OARD1: variants seen among roughly 807,000 people sequenced by gnomAD.
OARD1 encodes the protein ADP-ribose glycohydrolase OARD1.
OARD1 carries 19 observed loss-of-function variants against 19.7 expected under a neutral mutation model. That is an observed-to-expected ratio of 0.96 (90% confidence interval 0.67 to 1.41). The LOEUF (loss-of-function observed/expected upper bound fraction) is 1.41, where lower values mean the gene tolerates loss of function less well. OARD1 is among the 40% of genes most tolerant of loss of function. The pLI is 0.00. For synonymous variants in OARD1, 70 were observed against 61.8 expected (o/e 1.13, Z -0.62); for missense variants, 190 against 183.8 (o/e 1.03, Z -0.20).
intron 5 of OARD1, among the ~76,000 whole-genome samples, chr6:41,067,978 C>G (rs538440199): frequency 9.6e-4 from 144 of 149,964 alleles, no homozygotes; most frequent in African/African-American, 3.5e-3. Flanking sequence ...CTACTTGGCA[C>G]CTTCCAAGAT....
intron 1 of OARD1, among the ~76,000 whole-genome samples, chr6:41,085,389 A>C (rs552687821): frequency 6.6e-6 from 1 of 152,358 alleles, no homozygotes; most frequent in South Asian, 2.1e-4. Flanking sequence ...ATCATCATTA[A>C]AAGAAATGAA....
At chr6:41,086,368 A>T (rs1356717994) in intron 1 of OARD1, among the ~76,000 whole-genome samples, 1 of 152,206 alleles carries the variant, frequency 6.6e-6, no homozygotes, top group Admixed American at 6.5e-5. Context: ...ATTTTGCTAT[A>T]AGGAACCTTC....
rs758357237 is a variant in OARD1 at position 41,094,511 on chromosome 6, T to C, written c.-42+3202A>G. On this transcript the variant is annotated intron_variant, in intron 1 of 4. Coordinates refer to the OARD1 transcript ENST00000480585. ...CCCCATATGCAGGTAGGAAGACATATACATTTTATTCTTCTCTTTATTACC... is the reference window on the plus strand; with the variant it reads ...CCCCATATGCAGGTAGGAAGACATACACATTTTATTCTTCTCTTTATTACC... 30 of 1,593,274 alleles carry C rather than the reference T, an allele frequency of 1.9e-5. No homozygotes were observed. In the South Asian group the frequency reaches 2.3e-4, roughly 12 times the overall value.
intron 1 of OARD1, among the ~76,000 whole-genome samples, chr6:41,094,128 T>C (rs967087159): frequency 2.6e-5 from 4 of 152,178 alleles, no homozygotes; most frequent in Non-Finnish European, 4.4e-5. Flanking sequence ...AAAGTGTATA[T>C]ATTGTGAAGT....
intron 5 of OARD1, among the ~76,000 whole-genome samples, chr6:41,068,166 T>C (rs1763122117): frequency 1.3e-5 from 2 of 152,286 alleles, no homozygotes; most frequent in Admixed American, 1.3e-4. Flanking sequence ...TTTGAGGCCA[T>C]ATGCAAAGTA....
chr6:41,071,682 G>A lies in OARD1; in HGVS notation c.-41-7C>T, dbSNP rs375286710. The A allele has an allele frequency of 2.6e-6, 4 of 1,529,232 alleles. No individual in the cohort carries two copies. The highest frequency in any genetic ancestry group is 1.7e-4 in the Middle Eastern group (1 of 5,928). The allele number at this position is 1,529,232 out of a possible 1,614,324, so 94.7% of individuals were successfully genotyped here. A position where few individuals can be genotyped will look rare whatever the true frequency, so the allele number is the denominator to read the frequency against. ...AATTTAAGTGTTTCTTCAGCTATGA[G>A]AAGGGAAAAGGAAGTAAAAATGCTT... On this transcript the variant is annotated splice_region_variant and splice_polypyrimidine_tract_variant and intron_variant, in intron 1 of 5. Transcript: ENST00000424266.
chr6:41,072,981 A>AGCGGCAGTGGCG (rs1252285275), upstream of OARD1: 2 of 154,972 alleles, frequency 1.3e-5, no homozygotes, highest in Non-Finnish European at 2.9e-5. Flanking sequence ...TTTGCTAGGC[A>AGCGGCAGTGGCG]GCGGCAGTGG....
intron 3 of OARD1, among the ~76,000 whole-genome samples, chr6:41,070,504 C>G (rs1308277285): frequency 2.0e-5 from 3 of 152,038 alleles, no homozygotes; most frequent in East Asian, 3.8e-4. Flanking sequence ...TTTTTACATA[C>G]AAAGAGCTGT....
intron 5 of OARD1, among the ~76,000 whole-genome samples, chr6:41,068,626 G>A (rs966150006): frequency 2.0e-5 from 3 of 152,254 alleles, no homozygotes; most frequent in Non-Finnish European, 4.4e-5. Context: ...TATATTTCAA[G>A]GTAATTGTCC....
At chr6:41,087,741 T>C (rs1407281325) in intron 1 of OARD1, among the ~76,000 whole-genome samples, 2 of 152,206 alleles carry the variant, frequency 1.3e-5, no homozygotes, top group Non-Finnish European at 2.9e-5. Flanking sequence ...TCACTAGTTA[T>C]ATGAAAATAG....
chr6:41,065,931 CTA>C lies in OARD1; in HGVS notation c.*1402_*1403del, dbSNP rs2114037714. ...ACTGTAAGGGAAAACAAGAAAATGTCTAGTTTCCCGAATAGCTCTGATACTGA... is the reference window on the plus strand; with the variant it reads ...ACTGTAAGGGAAAACAAGAAAATGTCGTTTCCCGAATAGCTCTGATACTGA... On this transcript the variant is annotated 3_prime_UTR_variant, in exon 6 of 6. Coordinates refer to ENST00000424266, the MANE Select transcript of OARD1 (RefSeq NM_001329686.2). 6.6e-6 allele frequency: 1 copy of C among 152,354 alleles called. No homozygotes were observed. Among genetic ancestry groups the C allele is most frequent in the Non-Finnish European group, 1.5e-5 (1 of 68,034 alleles). The allele number at this position is 152,354 out of a possible 1,614,324, so 9.4% of individuals were successfully genotyped here. A position where few individuals can be genotyped will look rare whatever the true frequency, so the allele number is the denominator to read the frequency against.
At chr6:41,089,596 T>A (rs1194743350) in intron 1 of OARD1, 1 of 1,612,468 alleles carries the variant, frequency 6.2e-7, no homozygotes, top group East Asian at 2.2e-5. Context: ...TGGTCCCACC[T>A]GGACAGATCC....
chr6:41,068,641 T>A (rs562633651), intron 5 of OARD1, among the ~76,000 whole-genome samples, 200 bp downstream of exon 5: 1 of 152,380 alleles, frequency 6.6e-6, no homozygotes, highest in South Asian at 2.1e-4. Flanking sequence ...TTGTCCTGAT[T>A]CATTCAACTC....
chr6:41,079,962 C>T (rs1474937401), intron 1 of OARD1, among the ~76,000 whole-genome samples: 1 of 152,208 alleles, frequency 6.6e-6, no homozygotes, highest in Admixed American at 6.5e-5. Context: ...CCCTTCCATA[C>T]AGCTGCTGTG....
intron 1 of OARD1, among the ~76,000 whole-genome samples, chr6:41,077,761 C>T (rs1763781004): frequency 6.6e-6 from 1 of 152,124 alleles, no homozygotes; most frequent in Admixed American, 6.6e-5. Flanking sequence ...ATATGTAAAT[C>T]CAAATTATAG....
At position 41,068,853 on chromosome 6, in the gene OARD1, A is replaced by G; in HGVS notation, c.344T>C (p.Leu115Pro). 1 of 1,566,454 alleles carries G rather than the reference A, an allele frequency of 6.4e-7. No homozygotes were observed. Among genetic ancestry groups the G allele is most frequent in the Non-Finnish European group, 8.8e-7 (1 of 1,142,038 alleles). The change falls in exon 5 of 6, where the codon CTC becomes CCC. Residue 115 changes from leucine to proline, a missense_variant. By Grantham distance (98) the Leu-to-Pro change is moderately conservative (BLOSUM62 -3). Transcript: ENST00000424266. ...SHCLKNGVTD[L>P]SMPRIGCGLD... ...TGGATTTCCTTGCCTGGGCATGGAG[A>G]GGTCAGTGACTCCATTCTTCAGACA...
At chr6:41,089,077 C>G (rs567573594) in intron 1 of OARD1, among the ~76,000 whole-genome samples, 2 of 152,046 alleles carry the variant, frequency 1.3e-5, no homozygotes, top group African/African-American at 2.4e-5. Flanking sequence ...CCTCCGCCTC[C>G]GGTTCAAGTG....
intron 3 of OARD1, 29 bp from the exon 4 acceptor site, chr6:41,070,163 T>C: frequency 2.4e-6 from 3 of 1,255,948 alleles, no homozygotes; most frequent in Non-Finnish European, 3.5e-6. Context: ...ATAGTAGAAA[T>C]GAAAAAGAAA....
intron 1 of OARD1, among the ~76,000 whole-genome samples, chr6:41,077,844 T>C (rs1763783585): frequency 6.6e-6 from 1 of 152,248 alleles, no homozygotes; most frequent in Non-Finnish European, 1.5e-5. Context: ...CCACAAGTCC[T>C]CTTGCTGTGA....
Sources: gnomAD v4.1 joint callset for allele counts (sites outside exome capture counted in the v4.1 genomes callset) on GRCh38, gnomAD v4.1.1 for gene constraint, MANE v1.5 for transcripts, NCBI Gene and HGNC (gene_info 2026-07-23, HGNC 2026-07-21) for gene names.